The following KHDRBS2 variants were observed in gnomAD, a reference collection of about 807,000 sequenced individuals.
KHDRBS2 encodes the protein KH domain-containing, RNA-binding, signal transduction-associated protein 2.
A neutral mutation model predicts 44.3 loss-of-function variants in KHDRBS2; 26 were observed. The ratio of observed to expected loss-of-function variants is 0.59; its 90% CI spans 0.43 to 0.81. KHDRBS2 has a LOEUF of 0.81. KHDRBS2 is among the 40% of genes least tolerant of loss of function. KHDRBS2 has a pLI of 0.00. For synonymous variants in KHDRBS2, 194 were observed against 151.1 expected (o/e 1.28, Z -2.08); for missense variants, 476 against 433.1 (o/e 1.10, Z -0.88).
At chr6:61,666,989 G>A in the KHDRBS2 span, among the ~76,000 whole-genome samples, 1 of 80,754 alleles carries the variant, frequency 1.2e-5, no homozygotes, top group Non-Finnish European at 2.9e-5. Context: ...CAAACCTTCT[G>A]GGTTTTTTTT....
chr6:61,913,202 T>A (rs1806365447), intron 4 of KHDRBS2, among the ~76,000 whole-genome samples: 1 of 152,148 alleles, frequency 6.6e-6, no homozygotes, highest in Non-Finnish European at 1.5e-5. Context: ...CTTTGATTCT[T>A]TTTCATCCAA....
chr6:62,194,376 C>A (rs2150133415), intron 1 of KHDRBS2, among the ~76,000 whole-genome samples: 1 of 151,342 alleles, frequency 6.6e-6, no homozygotes, highest in South Asian at 2.1e-4. Flanking sequence ...AACCAATTAA[C>A]CATGAATGTG....
At chr6:61,700,578 G>C (rs1306933499) in intron 7 of KHDRBS2, among the ~76,000 whole-genome samples, 2 of 151,442 alleles carry the variant, frequency 1.3e-5, no homozygotes, top group East Asian at 3.9e-4. Flanking sequence ...TGCACTAATA[G>C]TGAATACACC....
At chr6:61,828,087 A>C (rs1248678746) in intron 6 of KHDRBS2, among the ~76,000 whole-genome samples, 2 of 152,178 alleles carry the variant, frequency 1.3e-5, no homozygotes, top group African/African-American at 4.8e-5. Context: ...GTGAGAAAGA[A>C]GGATCTGGGA....
intron 3 of KHDRBS2, among the ~76,000 whole-genome samples, chr6:62,042,081 T>C (rs1224429779): frequency 6.6e-6 from 1 of 152,110 alleles, no homozygotes; most frequent in Non-Finnish European, 1.5e-5. Context: ...GGTTAAACGT[T>C]GCAACATAAG....
chr6:62,024,360 AT>A (rs1308185775), intron 3 of KHDRBS2, among the ~76,000 whole-genome samples: 1 of 151,498 alleles, frequency 6.6e-6, no homozygotes, highest in Non-Finnish European at 1.5e-5. Flanking sequence ...GCATTTCAAA[AT>A]TTTTTTGTAA....
chr6:61,612,474 A>C, the KHDRBS2 span, among the ~76,000 whole-genome samples: 2 of 152,318 alleles, frequency 1.3e-5, no homozygotes, highest in African/African-American at 4.8e-5. Flanking sequence ...TCCTCATGTC[A>C]CAGTTTTCTT....
the KHDRBS2 span, among the ~76,000 whole-genome samples, chr6:61,666,314 T>C: frequency 0.025 from 3,729 of 151,596 alleles, 72 homozygotes; most frequent in Middle Eastern, 0.082. Context: ...GAAACATTCT[T>C]TAGCATGTAA....
At chr6:62,275,037 A>ACACT (rs1554139037) in intron 1 of KHDRBS2, among the ~76,000 whole-genome samples, 2 of 151,664 alleles carry the variant, frequency 1.3e-5, no homozygotes, top group African/African-American at 4.8e-5. Flanking sequence ...ACACACACAC[A>ACACT]CACACATATA....
the KHDRBS2 span, among the ~76,000 whole-genome samples, chr6:61,654,848 T>C: frequency 1.3e-5 from 2 of 150,288 alleles, no homozygotes; most frequent in African/African-American, 4.9e-5. Flanking sequence ...AGAGGCAGAG[T>C]GGGGAAAAGA....
chr6:61,595,614 A>G, the KHDRBS2 span, among the ~76,000 whole-genome samples: 160 of 152,012 alleles, frequency 1.1e-3, no homozygotes, highest in African/African-American at 3.7e-3. Context: ...TTAAATTTTG[A>G]CTTTTGGTAG....
the KHDRBS2 span, among the ~76,000 whole-genome samples, chr6:61,562,359 G>A: frequency 2.7e-4 from 41 of 152,082 alleles, no homozygotes; most frequent in African/African-American, 9.2e-4. Flanking sequence ...GATCCTTTAG[G>A]GATCTTCTCA....
intron 6 of KHDRBS2, among the ~76,000 whole-genome samples, chr6:61,831,587 A>G (rs1416807832): frequency 6.6e-6 from 1 of 152,144 alleles, no homozygotes; most frequent in Non-Finnish European, 1.5e-5. Context: ...CCTTCATAGT[A>G]TAACCCAATT....
chr6:61,812,013 T>C (rs1788202264), intron 6 of KHDRBS2, among the ~76,000 whole-genome samples: 1 of 152,132 alleles, frequency 6.6e-6, no homozygotes, highest in Admixed American at 6.6e-5. Flanking sequence ...AAAAAGTTAA[T>C]GAAGTTCATA....
At chr6:61,545,653 A>G in the KHDRBS2 span, among the ~76,000 whole-genome samples, 2 of 151,956 alleles carry the variant, frequency 1.3e-5, no homozygotes. Context: ...ATAAACTGAG[A>G]TCCTCTCTGT....
In KHDRBS2 at chr6:61,724,632, G is replaced by A. The variant is rs545118790; in HGVS notation, c.893+8050C>T. ...ATGGAGGAGAATTTACCAAGCAAAC[G>A]GAAAACGAAAAAGCAGGGGTTGTAA... is the stretch of plus-strand genomic sequence containing the variant. On this transcript the variant is annotated intron_variant, in intron 7 of 8. Coordinates refer to ENST00000281156, the MANE Select transcript of KHDRBS2 (RefSeq NM_152688.4). Among the ~76,000 whole-genome samples the A allele has an allele frequency of 9.2e-5, 14 of 151,884 alleles. No homozygotes were observed. The South Asian group carries it at 1.7e-3, about 18-fold the overall frequency.
At position 62,157,866 on chromosome 6, in the gene KHDRBS2, C is replaced by A. The variant is rs866775213; in HGVS notation, c.219+19319G>T. Among the ~76,000 whole-genome samples the A allele has an allele frequency of 2.6e-5, 4 of 152,158 alleles. No individual in the cohort carries two copies. The South Asian group carries it at 6.2e-4, about 24-fold the overall frequency. On this transcript the variant is annotated intron_variant, in intron 2 of 8. Transcript: ENST00000281156. ...TGCAGATATCAAAGTAAGATTTATG[C>A]ATAGCTTCCCCCTTTTCTTCAATCT...
intron 6 of KHDRBS2, among the ~76,000 whole-genome samples, chr6:61,891,884 T>G (rs1274828486): frequency 6.6e-6 from 1 of 152,102 alleles, no homozygotes; most frequent in Non-Finnish European, 1.5e-5. Context: ...CAACATAGTG[T>G]TGGAAGTTCT....
At chr6:62,158,215 G>T (rs1295294397) in intron 2 of KHDRBS2, among the ~76,000 whole-genome samples, 1 of 152,126 alleles carries the variant, frequency 6.6e-6, no homozygotes, top group Non-Finnish European at 1.5e-5. Context: ...CATAGAATCT[G>T]GCACAGAGTA....
Sources: allele counts gnomAD v4.1 joint callset (sites outside exome capture counted in the v4.1 genomes callset), GRCh38; gene constraint gnomAD v4.1.1; transcripts MANE v1.5; gene names NCBI Gene and HGNC (gene_info 2026-07-23, HGNC 2026-07-21).